Variants in DCC observed in about 807,000 individuals in gnomAD.
The protein encoded by DCC is netrin receptor DCC.
A neutral mutation model predicts 172.5 loss-of-function variants in DCC; 58 were observed. That is an observed-to-expected ratio of 0.34 (90% CI 0.27 to 0.42). The LOEUF (loss-of-function observed/expected upper bound fraction) is 0.42. Among genes scored for constraint, DCC ranks in the 10% least tolerant of loss-of-function variants. The pLI, the probability that DCC is intolerant of heterozygous loss-of-function variation, is 1.00. For synonymous variants in DCC, 709 were observed against 644.5 expected, an observed-to-expected ratio of 1.10 and a Z score of -1.52; for missense variants, 1,740 against 1,791.0, an observed-to-expected ratio of 0.97 and a Z score of 0.51.
chr18:53,516,968 A>AAATC (rs1433988256), intron 27 of DCC, among the ~76,000 whole-genome samples: 3 of 145,510 alleles, frequency 2.1e-5, no homozygotes, highest in African/African-American at 8.1e-5. Context: ...AAAGGACTAT[A>AAATC]AATCATGCTG....
intron 1 of DCC, among the ~76,000 whole-genome samples, chr18:52,690,324 A>G (rs192226653): frequency 2.0e-5 from 3 of 152,260 alleles, no homozygotes; most frequent in Non-Finnish European, 2.9e-5. Flanking sequence ...GTACAAACAC[A>G]TACTGTAAGA....
Position 53,499,388 on chromosome 18 carries a change from C to G in DCC, c.3989C>G (p.Thr1330Ser). 6.2e-7 allele frequency: 1 copy of G among 1,614,120 alleles called. No individual in the cohort carries two copies. Among genetic ancestry groups the G allele is most frequent in the Non-Finnish European group, 8.5e-7 (1 of 1,180,004 alleles). Residue 1330 changes from threonine to serine, a missense_variant, in exon 27 of 29, where the codon ACC (threonine) becomes AGC (serine). By Grantham distance (58) the Thr-to-Ser change is moderately conservative. Coordinates refer to ENST00000442544, the MANE Select transcript of DCC (RefSeq NM_005215.4). ...HSSSEEAPSR[T>S]IPTACVRPTH... ...AGCAGCGAGGAGGCACCAAGCAGAA[C>G]CATCCCCACAGCTTGTGTTCGACCA...
chr18:53,234,464 T>G (rs1013448516), intron 12 of DCC, among the ~76,000 whole-genome samples: 1 of 151,512 alleles, frequency 6.6e-6, no homozygotes, highest in Non-Finnish European at 1.5e-5. Context: ...AATAAAATAT[T>G]GGCCAGTCAG....
chr18:53,392,799 A>C (rs1320792520), intron 17 of DCC, among the ~76,000 whole-genome samples: 1 of 152,224 alleles, frequency 6.6e-6, no homozygotes, highest in African/African-American at 2.4e-5. Flanking sequence ...TTTAGGATGA[A>C]TTATACACTC....
At chr18:53,074,149 G>T (rs574427279) in intron 7 of DCC, among the ~76,000 whole-genome samples, 1 of 152,142 alleles carries the variant, frequency 6.6e-6, no homozygotes, top group East Asian at 1.9e-4. Context: ...GTTAAATTTT[G>T]TCTCTTATAT....
chr18:53,412,697 G>A (rs1241996345), intron 20 of DCC, among the ~76,000 whole-genome samples: 1 of 152,068 alleles, frequency 6.6e-6, no homozygotes, highest in Non-Finnish European at 1.5e-5. Flanking sequence ...GTGCCAGGCA[G>A]GTGTCCACGA....
intron 7 of DCC, among the ~76,000 whole-genome samples, chr18:53,108,214 A>C (rs1447536300): frequency 6.6e-6 from 1 of 151,736 alleles, no homozygotes; most frequent in African/African-American, 2.4e-5. Flanking sequence ...AGCTCCATCA[A>C]TTCTCACTTA....
chr18:53,284,858 T>A (rs1490520565), intron 12 of DCC, among the ~76,000 whole-genome samples: 2 of 152,062 alleles, frequency 1.3e-5, no homozygotes, highest in Non-Finnish European at 2.9e-5. Context: ...AGATGGAGAT[T>A]AGGAACTTCT....
At chr18:52,643,212 A>G (rs549191807) in intron 1 of DCC, among the ~76,000 whole-genome samples, 255 of 152,264 alleles carry the variant, frequency 1.7e-3, no homozygotes, top group African/African-American at 5.9e-3. Context: ...AGAAAGATTG[A>G]ATGCTTAAGT....
At chr18:52,985,612 G>A in intron 5 of DCC, among the ~76,000 whole-genome samples, 1 of 151,760 alleles carries the variant, frequency 6.6e-6, no homozygotes, top group East Asian at 1.9e-4. Context: ...CAGTCACAGG[G>A]TATCTTTTAA....
intron 1 of DCC, among the ~76,000 whole-genome samples, chr18:52,545,531 A>G (rs1303264669): frequency 1.3e-5 from 2 of 152,202 alleles, no homozygotes; most frequent in African/African-American, 4.8e-5. Context: ...AAGGTTCAGT[A>G]TCACCATGAG....
intron 27 of DCC, among the ~76,000 whole-genome samples, chr18:53,508,799 G>A (rs2046215609): frequency 6.6e-6 from 1 of 152,174 alleles, no homozygotes; most frequent in Non-Finnish European, 1.5e-5. Context: ...CTGTCTGAAT[G>A]TCGTTCCCTT....
intron 14 of DCC, among the ~76,000 whole-genome samples, chr18:53,333,559 C>G (rs370312515): frequency 6.6e-6 from 1 of 152,084 alleles, no homozygotes; most frequent in Non-Finnish European, 1.5e-5. Context: ...AAGAGGAAAA[C>G]AAAGTATCCA....
At chr18:52,718,471 G>A (rs989303245) in intron 1 of DCC, among the ~76,000 whole-genome samples, 2 of 151,900 alleles carry the variant, frequency 1.3e-5, no homozygotes, top group East Asian at 1.9e-4. Context: ...TTTCTTTGAA[G>A]CTGCCTTATT....
At chr18:53,382,422 C>T (rs1350488049) in intron 15 of DCC, among the ~76,000 whole-genome samples, 1 of 152,018 alleles carries the variant, frequency 6.6e-6, no homozygotes, top group East Asian at 1.9e-4. Flanking sequence ...TTTTCTTCCT[C>T]CTATAGTGCT....
At chr18:53,263,333 G>A (rs181549829) in intron 12 of DCC, among the ~76,000 whole-genome samples, 190 of 152,012 alleles carry the variant, frequency 1.2e-3, no homozygotes, top group African/African-American at 3.9e-3. Flanking sequence ...TATATTTTTA[G>A]TAGAGACAGG....
intron 5 of DCC, among the ~76,000 whole-genome samples, chr18:52,984,733 C>G (rs2041265332): frequency 6.6e-6 from 1 of 152,030 alleles, no homozygotes; most frequent in Admixed American, 6.6e-5. Context: ...GTATGATTAT[C>G]CAATTATGAT....
chr18:52,703,765 T>C (rs1441093951), intron 1 of DCC, among the ~76,000 whole-genome samples: 1 of 150,290 alleles, frequency 6.7e-6, no homozygotes, highest in African/African-American at 2.4e-5. Flanking sequence ...GTAACATGAC[T>C]GTTGACTTAA....
In DCC at chr18:52,763,729, A is replaced by G. The variant is rs540182709; in HGVS notation, c.412+11355A>G. 3.3e-5 allele frequency among the ~76,000 whole-genome samples: 5 copies of G among 152,270 alleles called. No homozygotes were observed. In the South Asian group the frequency reaches 1.0e-3, roughly 32 times the overall value. ...CACCACCACTATCTAATTCCATAAC[A>G]TTTTCATCACTCCTATCTCCCCTTC... On this transcript the variant is annotated intron_variant, in intron 2 of 28. Transcript: ENST00000442544.
Sources: gnomAD v4.1 joint callset for allele counts (sites outside exome capture counted in the v4.1 genomes callset) on GRCh38, gnomAD v4.1.1 for gene constraint, MANE v1.5 for transcripts, NCBI Gene and HGNC (gene_info 2026-07-23, HGNC 2026-07-21) for gene names.